The following SLIT3 variants were observed in gnomAD, a reference collection of about 807,000 sequenced individuals.
SLIT3 encodes slit guidance ligand 3, also known as slit homolog 3 protein.
Under a neutral mutation model 184.0 loss-of-function variants are expected in SLIT3, and 68 were observed. The ratio of observed to expected loss-of-function variants is 0.37; its 90% CI spans 0.30 to 0.45. The LOEUF (loss-of-function observed/expected upper bound fraction) is 0.45. Ranked by LOEUF, SLIT3 falls within the 20% of genes least tolerant of loss-of-function variation. The pLI is 1.00. For missense variants in SLIT3, 1,707 were observed against 2,026.0 expected, an observed-to-expected ratio of 0.84 and a Z score of 3.02; for synonymous variants, 831 against 828.6, an observed-to-expected ratio of 1.00 and a Z score of -0.05.
intron 12 of SLIT3, among the ~76,000 whole-genome samples, chr5:168,779,485 G>A (rs533774712): frequency 6.6e-6 from 1 of 152,170 alleles, no homozygotes; most frequent in Non-Finnish European, 1.5e-5. Flanking sequence ...CCAAGTGTGA[G>A]CTCTAGGAGG....
rs1477744225 is a variant in SLIT3 at position 168,666,585 on chromosome 5, C to T, written c.4441G>A (p.Gly1481Ser). The change falls in exon 36 of 36, where the codon GGC (glycine) becomes AGC (serine). Residue 1481 changes from glycine (G) to serine (S), a missense_variant. Around this residue, in one of 3 missense-constraint regions of SLIT3, gnomAD observed 387 missense variants for 477.9 expected, o/e 0.81. Transcript: ENST00000519560. ...SKVPIMECRG[G>S]CGPQCCQPTR... ...GGCTGGCAGCACTGGGGCCCACAGC[C>T]CCCACGACATTCCATGATGGGCACC... The T allele has an allele frequency of 1.2e-6, 2 of 1,614,182 alleles. No homozygotes were observed. The highest frequency in any genetic ancestry group is 1.1e-5 in the South Asian group (1 of 91,084).
At chr5:169,146,780 T>A (rs1254341001) in intron 4 of SLIT3, among the ~76,000 whole-genome samples, 1 of 152,228 alleles carries the variant, frequency 6.6e-6, no homozygotes, top group Non-Finnish European at 1.5e-5. Flanking sequence ...TGCACATATA[T>A]TTGCCTAGCT....
rs762171948 is a variant in SLIT3 at position 168,753,047 on chromosome 5, G to T, written c.1881C>A (p.Gly627=). The T allele has an allele frequency of 6.2e-7, 1 of 1,614,110 alleles. No individual in the cohort carries two copies. Among genetic ancestry groups the T allele is most frequent in the Non-Finnish European group, 8.5e-7 (1 of 1,179,992 alleles). Residue 627 remains glycine (G), a synonymous_variant, in exon 18 of 36, where the codon GGC becomes GGA. Coordinates refer to ENST00000519560, the MANE Select transcript of SLIT3 (RefSeq NM_003062.4). ...IGCVSNDTFA[G]LSSVRLLSLY... is the part of the protein sequence containing the mutation. ...GGGACAGCAGTCTCACCGAACTCAG[G>T]CCGGCAAAGGTGTCATTACTCACAC...
intron 4 of SLIT3, among the ~76,000 whole-genome samples, chr5:169,108,449 T>C (rs910916314): frequency 2.0e-5 from 3 of 152,176 alleles, no homozygotes. Flanking sequence ...TTCAGAGAGA[T>C]GTTCCTCCAG....
intron 16 of SLIT3, among the ~76,000 whole-genome samples, chr5:168,756,579 C>G (rs1442662662): frequency 6.6e-6 from 1 of 152,218 alleles, no homozygotes; most frequent in Non-Finnish European, 1.5e-5. Flanking sequence ...ATTTCCACTC[C>G]CTGCCTGGTT....
intron 4 of SLIT3, among the ~76,000 whole-genome samples, chr5:169,166,210 T>C (rs1181723833): frequency 6.6e-6 from 1 of 152,186 alleles, no homozygotes; most frequent in Non-Finnish European, 1.5e-5. Flanking sequence ...GTCTTTGCCA[T>C]GGAGACCAAA....
At chr5:169,285,346 G>A (rs1194803917) in intron 1 of SLIT3, among the ~76,000 whole-genome samples, 1 of 152,168 alleles carries the variant, frequency 6.6e-6, no homozygotes, top group Non-Finnish European at 1.5e-5. Context: ...CACAAGCATT[G>A]TACTAAGCTT....
chr5:168,740,342 C>T (rs1394772357), intron 20 of SLIT3, among the ~76,000 whole-genome samples: 1 of 152,204 alleles, frequency 6.6e-6, no homozygotes, highest in African/African-American at 2.4e-5. Context: ...AAAAAAATCA[C>T]CTCCTGCTCA....
chr5:169,152,334 G>T (rs866632201), intron 4 of SLIT3, among the ~76,000 whole-genome samples: 13 of 152,224 alleles, frequency 8.5e-5, no homozygotes, highest in African/African-American at 3.1e-4. Context: ...CCTGCAGTGA[G>T]CGTGGAAGGG....
At chr5:168,927,747 A>C (rs1472300293) in intron 4 of SLIT3, among the ~76,000 whole-genome samples, 1 of 152,218 alleles carries the variant, frequency 6.6e-6, no homozygotes, top group Non-Finnish European at 1.5e-5. Context: ...GTCAAAACTC[A>C]CAATTACATC....
At chr5:169,242,022 A>G (rs1765420817) in intron 3 of SLIT3, among the ~76,000 whole-genome samples, 3 of 152,322 alleles carry the variant, frequency 2.0e-5, no homozygotes, top group Admixed American at 2.0e-4. Context: ...AGATTTATCT[A>G]TTACAAAATA....
At chr5:168,675,021 C>T (rs1582515767) in intron 32 of SLIT3, among the ~76,000 whole-genome samples, 2 of 152,160 alleles carry the variant, frequency 1.3e-5, no homozygotes, top group Non-Finnish European at 2.9e-5. Context: ...CTAGTACAGG[C>T]AAGAGACAGA....
At chr5:169,229,310 G>A (rs1764914056) in intron 3 of SLIT3, among the ~76,000 whole-genome samples, 1 of 152,122 alleles carries the variant, frequency 6.6e-6, no homozygotes, top group South Asian at 2.1e-4. Context: ...TGAGGGGAAA[G>A]AGCGAGGCCC....
At chr5:168,771,035 A>G (rs1041765394) in intron 14 of SLIT3, among the ~76,000 whole-genome samples, 7 of 152,152 alleles carry the variant, frequency 4.6e-5, no homozygotes, top group African/African-American at 1.7e-4. Context: ...CAAAGTACTA[A>G]CAGGATACTT....
intron 3 of SLIT3, among the ~76,000 whole-genome samples, chr5:169,233,183 G>A (rs147407823): frequency 6.6e-5 from 10 of 152,138 alleles, no homozygotes; most frequent in Middle Eastern, 3.4e-3. Context: ...GCACCACCAC[G>A]CCCAGCTAAT....
chr5:168,699,822 G>A (rs936994285), intron 27 of SLIT3, among the ~76,000 whole-genome samples: 2 of 152,160 alleles, frequency 1.3e-5, no homozygotes, highest in African/African-American at 4.8e-5. Context: ...ACCTGGCATA[G>A]TGAGCATATA....
intron 6 of SLIT3, among the ~76,000 whole-genome samples, chr5:168,842,461 GT>G (rs1189800771): frequency 6.7e-5 from 6 of 89,160 alleles, no homozygotes; most frequent in Non-Finnish European, 9.9e-5. Flanking sequence ...TCTGGATACC[GT>G]TTTTTCGTTT....
intron 20 of SLIT3, among the ~76,000 whole-genome samples, chr5:168,737,745 G>A (rs1763486428): frequency 1.3e-5 from 2 of 152,208 alleles, no homozygotes; most frequent in Non-Finnish European, 1.5e-5. Context: ...TAACCGTTAT[G>A]AAGATGTAGG....
At position 168,665,561 on chromosome 5, in the gene SLIT3, C is replaced by CCTCTCCTGGGGAGGAGCAGGAAAAA. The variant is rs1761006820; in HGVS notation, c.*868_*892dup. 1 of 152,282 alleles carries CCTCTCCTGGGGAGGAGCAGGAAAAA rather than the reference C, an allele frequency of 6.6e-6. No individual in the cohort carries two copies. The highest frequency in any genetic ancestry group is 2.1e-4 in the South Asian group (1 of 4,824). The allele number at this position is 152,282 out of a possible 1,614,324, so 9.4% of individuals were successfully genotyped here. On this transcript the variant is annotated 3_prime_UTR_variant, in exon 36 of 36. Coordinates refer to ENST00000519560, the MANE Select transcript of SLIT3 (RefSeq NM_003062.4). Reference sequence around the variant, plus strand: ...TTCCCTCGCCTCCTCTAGGAAGACCCCTCTCCTGGGGAGGAGCAGGAAAAA... The same window carrying CCTCTCCTGGGGAGGAGCAGGAAAAA: ...TTCCCTCGCCTCCTCTAGGAAGACCCCTCTCCTGGGGAGGAGCAGGAAAAACTCTCCTGGGGAGGAGCAGGAAAAA...
Sources: gnomAD v4.1 joint callset for allele counts (sites outside exome capture counted in the v4.1 genomes callset) on GRCh38, gnomAD v4.1.1 for gene constraint, gnomAD v4.1.1 regional missense constraint, MANE v1.5 for transcripts, NCBI Gene and HGNC (gene_info 2026-07-23, HGNC 2026-07-21) for gene names.